TCERG1L: variants seen among roughly 807,000 people sequenced by gnomAD.
TCERG1L encodes transcription elongation regulator 1 like, also known as transcription elongation regulator 1-like protein.
TCERG1L carries 37 observed loss-of-function variants against 56.3 expected under a neutral mutation model. The ratio of observed to expected loss-of-function variants is 0.66; its 90% CI spans 0.51 to 0.87. The LOEUF (loss-of-function observed/expected upper bound fraction) is 0.87, where lower values mean the gene tolerates loss of function less well. Among genes scored for constraint, TCERG1L ranks in the 40% least tolerant of loss-of-function variants. The pLI is 0.00. For synonymous variants in TCERG1L, 324 were observed against 326.3 expected, an observed-to-expected ratio of 0.99 and a Z score of 0.08; for missense variants, 799 against 774.2, an observed-to-expected ratio of 1.03 and a Z score of -0.38.
At chr10:131,112,784 C>T (rs965046210) in intron 9 of TCERG1L, among the ~76,000 whole-genome samples, 2 of 142,450 alleles carry the variant, frequency 1.4e-5, no homozygotes, top group African/African-American at 2.5e-5. Context: ...CGGAAGGAGA[C>T]GAGCTAGTAA....
intron 4 of TCERG1L, among the ~76,000 whole-genome samples, chr10:131,236,687 C>G (rs116589932): frequency 0.018 from 2,774 of 152,302 alleles, 88 homozygotes; most frequent in African/African-American, 0.061. Context: ...CCAGCTGGTC[C>G]TATCCAGGGG....
chr10:131,254,320 T>TATATATATAGTA (rs999617923), intron 4 of TCERG1L, among the ~76,000 whole-genome samples: 4 of 149,960 alleles, frequency 2.7e-5, no homozygotes, highest in African/African-American at 9.8e-5. Context: ...TATATATATA[T>TATATATATAGTA]AGTAAGTATT....
intron 4 of TCERG1L, among the ~76,000 whole-genome samples, chr10:131,227,633 A>T (rs936362282): frequency 2.6e-5 from 4 of 152,218 alleles, no homozygotes; most frequent in African/African-American, 7.2e-5. Flanking sequence ...GGCAACCGTC[A>T]GCTCAGCCTC....
chr10:131,280,236 C>A (rs751812816), intron 3 of TCERG1L, among the ~76,000 whole-genome samples: 2 of 150,946 alleles, frequency 1.3e-5, no homozygotes. Context: ...ATGAGCCTCT[C>A]CAAAGGAGGC....
intron 1 of TCERG1L, among the ~76,000 whole-genome samples, chr10:131,310,471 T>C (rs892858161): frequency 6.6e-5 from 10 of 152,230 alleles, no homozygotes; most frequent in Non-Finnish European, 1.0e-4. Flanking sequence ...TATTCTAACA[T>C]AACACCCGTT....
intron 4 of TCERG1L, among the ~76,000 whole-genome samples, chr10:131,201,016 C>A (rs117058908): frequency 1.3e-4 from 20 of 152,258 alleles, no homozygotes; most frequent in Non-Finnish European, 2.6e-4. Flanking sequence ...AGAATCACGG[C>A]GCCATCTTGG....
At chr10:131,235,399 T>G (rs1219272390) in intron 4 of TCERG1L, among the ~76,000 whole-genome samples, 2 of 152,206 alleles carry the variant, frequency 1.3e-5, no homozygotes, top group African/African-American at 4.8e-5. Context: ...GGGCAGCATC[T>G]ATAAAAGGAA....
intron 4 of TCERG1L, among the ~76,000 whole-genome samples, chr10:131,246,863 G>A (rs1389293154): frequency 6.6e-6 from 1 of 152,216 alleles, no homozygotes; most frequent in Non-Finnish European, 1.5e-5. Context: ...ACACTCAGCG[G>A]ACAGGACTCT....
intron 3 of TCERG1L, among the ~76,000 whole-genome samples, chr10:131,306,222 A>G (rs142075039): frequency 1.3e-5 from 2 of 152,316 alleles, no homozygotes; most frequent in East Asian, 3.9e-4. Flanking sequence ...GACATTCAAT[A>G]TGTGCATGCC....
chr10:131,158,380 C>A (rs1408265985), intron 6 of TCERG1L, among the ~76,000 whole-genome samples: 1 of 152,220 alleles, frequency 6.6e-6, no homozygotes, highest in African/African-American at 2.4e-5. Flanking sequence ...CTTATTCAGT[C>A]TGCTGTCTTC....
intron 3 of TCERG1L, among the ~76,000 whole-genome samples, chr10:131,290,361 G>A (rs987695561): frequency 6.6e-6 from 1 of 152,172 alleles, no homozygotes; most frequent in Non-Finnish European, 1.5e-5. Context: ...GCCGGGCATG[G>A]TGGCTCCCGC....
chr10:131,109,511 C>T (rs1027220540), intron 9 of TCERG1L, among the ~76,000 whole-genome samples: 2 of 152,208 alleles, frequency 1.3e-5, no homozygotes, highest in African/African-American at 4.8e-5. Flanking sequence ...TCTGTGAACG[C>T]TGGAGCCGCC....
Position 131,097,416 on chromosome 10 carries a change from A to C in TCERG1L, c.1604+890T>G, listed in dbSNP as rs1460476029. On this transcript the variant is annotated intron_variant, in intron 11 of 11. Coordinates refer to ENST00000368642, the MANE Select transcript of TCERG1L (RefSeq NM_174937.4). Reference sequence around the variant, plus strand: ...AGGTTGGAGTGCAGTGGTGCAATCAAGGCTCACTGCAAGCTCCGCCTCCCA... The same window carrying C: ...AGGTTGGAGTGCAGTGGTGCAATCACGGCTCACTGCAAGCTCCGCCTCCCA... 2.0e-5 allele frequency among the ~76,000 whole-genome samples: 3 copies of C among 152,098 alleles called. No individual in the cohort carries two copies. The East Asian group carries it at 5.8e-4, about 29-fold the overall frequency.
chr10:131,135,660 C>T (rs1020309592), intron 7 of TCERG1L, among the ~76,000 whole-genome samples: 1 of 152,228 alleles, frequency 6.6e-6, no homozygotes, highest in South Asian at 2.1e-4. Flanking sequence ...CCTCCGCCAC[C>T]TGAGCTGCCC....
At chr10:131,258,880 A>G (rs1283176680) in intron 4 of TCERG1L, among the ~76,000 whole-genome samples, 1 of 152,220 alleles carries the variant, frequency 6.6e-6, no homozygotes, top group Non-Finnish European at 1.5e-5. Context: ...TTTTGGTTCT[A>G]AGATTAATTT....
intron 4 of TCERG1L, among the ~76,000 whole-genome samples, chr10:131,205,899 G>A (rs1845518521): frequency 6.6e-6 from 1 of 152,222 alleles, no homozygotes; most frequent in Non-Finnish European, 1.5e-5. Flanking sequence ...CCGAGGTGGT[G>A]ACTGCCCTCC....
At chr10:131,232,572 T>C (rs1351988149) in intron 4 of TCERG1L, among the ~76,000 whole-genome samples, 1 of 152,268 alleles carries the variant, frequency 6.6e-6, no homozygotes, top group East Asian at 1.9e-4. Flanking sequence ...GAGAGGTTGA[T>C]GAATCTGAGA....
intron 9 of TCERG1L, among the ~76,000 whole-genome samples, chr10:131,116,163 T>C (rs1302172220): frequency 6.6e-6 from 1 of 152,134 alleles, no homozygotes; most frequent in Non-Finnish European, 1.5e-5. Context: ...ATGATAGTCA[T>C]TGAAAGGAGA....
intron 7 of TCERG1L, among the ~76,000 whole-genome samples, chr10:131,139,234 C>CTAA (rs1845706852): frequency 6.6e-6 from 1 of 152,222 alleles, no homozygotes; most frequent in Non-Finnish European, 1.5e-5. Flanking sequence ...GCCAACAATT[C>CTAA]TAATAATGTG....
Sources: allele counts gnomAD v4.1 joint callset (sites outside exome capture counted in the v4.1 genomes callset), GRCh38; gene constraint gnomAD v4.1.1; transcripts MANE v1.5; gene names NCBI Gene and HGNC (gene_info 2026-07-23, HGNC 2026-07-21).